The following KSR2 variants were observed in gnomAD, a reference collection of about 807,000 sequenced individuals.
The protein encoded by KSR2 is kinase suppressor of ras 2.
In KSR2, 25 loss-of-function variants were observed where a neutral mutation model predicts 107.8. The ratio of observed to expected loss-of-function variants is 0.23; its 90% CI spans 0.17 to 0.32. The LOEUF is 0.32. Among genes scored for constraint, KSR2 ranks in the 10% least tolerant of loss-of-function variants. The pLI is 1.00. For missense variants in KSR2, 887 were observed against 1,268.9 expected (o/e 0.70, Z 4.57); for synonymous variants, 480 against 507.0 (o/e 0.95, Z 0.71).
chr12:117,852,029 A>G (rs1313447634), intron 3 of KSR2, among the ~76,000 whole-genome samples: 2 of 152,098 alleles, frequency 1.3e-5, no homozygotes, highest in African/African-American at 4.8e-5. Flanking sequence ...GTGTATGTGT[A>G]TGTGTAGCTG....
intron 5 of KSR2, among the ~76,000 whole-genome samples, chr12:117,609,960 T>G (rs1048928623): frequency 9.9e-5 from 15 of 152,170 alleles, no homozygotes; most frequent in African/African-American, 2.7e-4. Context: ...TGGAAAAAGC[T>G]TGCCAACTCC....
At chr12:117,831,664 C>T (rs1454453562) in intron 3 of KSR2, among the ~76,000 whole-genome samples, 3 of 152,184 alleles carry the variant, frequency 2.0e-5, no homozygotes, top group African/African-American at 4.8e-5. Flanking sequence ...CAACTCCATG[C>T]AAGACATTGG....
chr12:117,775,932 A>G (rs1304915878), intron 3 of KSR2, among the ~76,000 whole-genome samples: 5 of 152,194 alleles, frequency 3.3e-5, no homozygotes. Flanking sequence ...TTGGGAACCC[A>G]GCGGGGAAAA....
intron 14 of KSR2, among the ~76,000 whole-genome samples, chr12:117,486,808 G>C (rs985506267): frequency 6.6e-6 from 1 of 152,090 alleles, no homozygotes; most frequent in South Asian, 2.1e-4. Flanking sequence ...TTTCCTCATC[G>C]ATCAAAGGAA....
intron 16 of KSR2, among the ~76,000 whole-genome samples, chr12:117,482,218 AG>A (rs1171149420): frequency 1.3e-5 from 2 of 151,926 alleles, no homozygotes; most frequent in Non-Finnish European, 2.9e-5. Context: ...AGACCCCATC[AG>A]CCCCCCAGAT....
intron 4 of KSR2, among the ~76,000 whole-genome samples, chr12:117,686,686 T>C (rs1157585195): frequency 6.6e-6 from 1 of 152,126 alleles, no homozygotes; most frequent in African/African-American, 2.4e-5. Context: ...GGTAAGCCCG[T>C]AAAGACCCTT....
intron 12 of KSR2, among the ~76,000 whole-genome samples, 161 bp from the exon 13 acceptor site, chr12:117,527,280 GACACACACACACACACACACAGAC>G (rs1381441753): frequency 6.4e-5 from 8 of 124,458 alleles, no homozygotes; most frequent in East Asian, 4.3e-4. Context: ...CCATAACCTC[GACACACACACACACACACACAGAC>G]ACACACACAC....
At chr12:117,939,349 C>G (rs1017707309) in intron 1 of KSR2, among the ~76,000 whole-genome samples, 1 of 152,134 alleles carries the variant, frequency 6.6e-6, no homozygotes, top group Non-Finnish European at 1.5e-5. Flanking sequence ...ATTGATTGAC[C>G]ATGACTTGAT....
At chr12:117,567,032 A>C (rs1429438398) in intron 7 of KSR2, among the ~76,000 whole-genome samples, 1 of 152,242 alleles carries the variant, frequency 6.6e-6, no homozygotes. Context: ...TGTGCCAAGC[A>C]CTGTGCTGGC....
chr12:117,531,737 G>C, intron 10 of KSR2, 30 bp from the exon 11 acceptor site: 1 of 1,583,540 alleles, frequency 6.3e-7, no homozygotes, highest in Non-Finnish European at 8.6e-7. Context: ...ATCAAAGTGA[G>C]TGTCCCCAGG....
At chr12:117,494,800 G>A (rs1872934978) in intron 14 of KSR2, among the ~76,000 whole-genome samples, 1 of 152,210 alleles carries the variant, frequency 6.6e-6, no homozygotes, top group African/African-American at 2.4e-5. Context: ...GGGTGCCCAG[G>A]GAAAGCCACT....
intron 3 of KSR2, among the ~76,000 whole-genome samples, chr12:117,841,172 T>C (rs1468877197): frequency 2.6e-5 from 4 of 152,142 alleles, no homozygotes; most frequent in Non-Finnish European, 4.4e-5. Context: ...GTGAAAATCA[T>C]GACTATAATG....
At chr12:117,688,279 C>T (rs1332421259) in intron 4 of KSR2, among the ~76,000 whole-genome samples, 1 of 152,170 alleles carries the variant, frequency 6.6e-6, no homozygotes, top group Non-Finnish European at 1.5e-5. Flanking sequence ...ACTTGGGAGG[C>T]TGAGGCGGGA....
At chr12:117,916,853 A>C (rs907136022) in intron 1 of KSR2, among the ~76,000 whole-genome samples, 11 of 152,256 alleles carry the variant, frequency 7.2e-5, no homozygotes, top group African/African-American at 2.7e-4. Context: ...GTCATCTACT[A>C]GAATGAACTG....
At chr12:117,905,202 A>T (rs1270578191) in intron 1 of KSR2, among the ~76,000 whole-genome samples, 2 of 152,092 alleles carry the variant, frequency 1.3e-5, no homozygotes, top group Non-Finnish European at 2.9e-5. Context: ...TAACATAACA[A>T]AACAAAACAA....
intron 14 of KSR2, among the ~76,000 whole-genome samples, chr12:117,495,771 G>A (rs900384638): frequency 9.9e-5 from 15 of 152,130 alleles, no homozygotes; most frequent in African/African-American, 3.6e-4. Context: ...GAGGTCAGAG[G>A]CGGCCGGGCG....
chr12:117,876,605 C>A (rs1010799573), intron 1 of KSR2, among the ~76,000 whole-genome samples: 5 of 152,126 alleles, frequency 3.3e-5, no homozygotes, highest in Admixed American at 6.5e-5. Context: ...GTAGTAATAA[C>A]TTCCTTACAC....
intron 5 of KSR2, among the ~76,000 whole-genome samples, chr12:117,589,403 CT>C (rs983373928): frequency 6.6e-6 from 1 of 152,118 alleles, no homozygotes; most frequent in Non-Finnish European, 1.5e-5. Context: ...CCATAATTCC[CT>C]TTTAGGTGCT....
At chr12:117,753,582 T>C (rs1395973217) in intron 4 of KSR2, among the ~76,000 whole-genome samples, 1 of 152,182 alleles carries the variant, frequency 6.6e-6, no homozygotes, top group African/African-American at 2.4e-5. Context: ...AAATACCGCA[T>C]GTTCTCACTT....
Sources: gnomAD v4.1 joint callset for allele counts (sites outside exome capture counted in the v4.1 genomes callset) on GRCh38, gnomAD v4.1.1 for gene constraint, MANE v1.5 for transcripts, NCBI Gene and HGNC (gene_info 2026-07-23, HGNC 2026-07-21) for gene names.